The following ZFPM2 variants were observed in gnomAD, a reference collection of about 807,000 sequenced individuals.
ZFPM2 encodes the protein zinc finger protein ZFPM2.
A neutral mutation model predicts 98.6 loss-of-function variants in ZFPM2; 20 were observed. The ratio of observed to expected loss-of-function variants is 0.20; its 90% CI spans 0.14 to 0.29. The LOEUF (loss-of-function observed/expected upper bound fraction) is 0.29. Ranked by LOEUF, ZFPM2 falls within the 10% of genes least tolerant of loss-of-function variation. The pLI is 1.00. For missense variants in ZFPM2, 1,310 were observed against 1,388.6 expected (o/e 0.94, Z 0.90); for synonymous variants, 518 against 502.7 (o/e 1.03, Z -0.41).
At chr8:105,389,142 C>G (rs549354480) in intron 1 of ZFPM2, among the ~76,000 whole-genome samples, 3 of 151,098 alleles carry the variant, frequency 2.0e-5, no homozygotes, top group Admixed American at 1.3e-4. Flanking sequence ...AAGAAACAAG[C>G]AATGAGGGAA....
chr8:105,697,960 A>C (rs1811056943), intron 5 of ZFPM2, among the ~76,000 whole-genome samples: 1 of 152,168 alleles, frequency 6.6e-6, no homozygotes, highest in South Asian at 2.1e-4. Context: ...AAACAAGGAG[A>C]AGAAGGGTTA....
intron 5 of ZFPM2, among the ~76,000 whole-genome samples, chr8:105,757,245 G>C (rs1432971958): frequency 6.6e-6 from 1 of 152,056 alleles, no homozygotes; most frequent in Non-Finnish European, 1.5e-5. Flanking sequence ...ATTTATAGCA[G>C]CCCAATCACT....
At chr8:105,352,890 C>T (rs1254623307) in intron 1 of ZFPM2, among the ~76,000 whole-genome samples, 9 of 152,016 alleles carry the variant, frequency 5.9e-5, no homozygotes, top group Non-Finnish European at 1.0e-4. Context: ...CCTACCTATT[C>T]GTCTATACCA....
At chr8:105,705,758 G>C (rs1009362678) in intron 5 of ZFPM2, among the ~76,000 whole-genome samples, 1 of 152,066 alleles carries the variant, frequency 6.6e-6, no homozygotes, top group African/African-American at 2.4e-5. Flanking sequence ...TCTATTCTTG[G>C]GGCATAAGCT....
chr8:105,583,958 T>TG (rs1815657273), intron 4 of ZFPM2, among the ~76,000 whole-genome samples: 1 of 152,198 alleles, frequency 6.6e-6, no homozygotes, highest in South Asian at 2.1e-4. Context: ...ATGCCTAGAA[T>TG]GTTCGTGATA....
At chr8:105,697,172 C>G (rs929752268) in intron 5 of ZFPM2, among the ~76,000 whole-genome samples, 2 of 151,666 alleles carry the variant, frequency 1.3e-5, no homozygotes, top group Non-Finnish European at 2.9e-5. Context: ...CTTTATAGTT[C>G]CACTTCTGTC....
intron 1 of ZFPM2, among the ~76,000 whole-genome samples, chr8:105,326,270 C>A (rs1812113674): frequency 6.6e-6 from 1 of 151,622 alleles, no homozygotes; most frequent in Admixed American, 6.6e-5. Flanking sequence ...GCAGCTATTC[C>A]TCAGATATGC....
intron 3 of ZFPM2, among the ~76,000 whole-genome samples, chr8:105,471,462 T>A (rs1812901655): frequency 1.3e-5 from 2 of 152,216 alleles, no homozygotes; most frequent in South Asian, 4.1e-4. Flanking sequence ...GGTACCACTT[T>A]ATCACTTTAA....
intron 1 of ZFPM2, among the ~76,000 whole-genome samples, chr8:105,327,249 A>T (rs1377006837): frequency 6.6e-6 from 1 of 151,692 alleles, no homozygotes; most frequent in East Asian, 1.9e-4. Context: ...TAATCTCTAA[A>T]ATTCTTTTAT....
At chr8:105,575,586 G>T (rs1815449324) in intron 4 of ZFPM2, among the ~76,000 whole-genome samples, 1 of 152,142 alleles carries the variant, frequency 6.6e-6, no homozygotes, top group Non-Finnish European at 1.5e-5. Flanking sequence ...AAAATTCTGT[G>T]ACTGTCATAG....
At chr8:105,599,875 TA>T (rs200381339) in intron 4 of ZFPM2, among the ~76,000 whole-genome samples, 65 of 150,878 alleles carry the variant, frequency 4.3e-4, no homozygotes, top group African/African-American at 1.2e-3. Flanking sequence ...ATGTGCACTT[TA>T]AAAAAAAAAT....
intron 3 of ZFPM2, among the ~76,000 whole-genome samples, chr8:105,545,946 T>G (rs1165866969): frequency 6.6e-6 from 1 of 152,168 alleles, no homozygotes; most frequent in Non-Finnish European, 1.5e-5. Context: ...TATCTAGAAA[T>G]GGAATGGGTG....
At chr8:105,383,847 G>C (rs1810934147) in intron 1 of ZFPM2, among the ~76,000 whole-genome samples, 1 of 152,048 alleles carries the variant, frequency 6.6e-6, no homozygotes, top group Admixed American at 6.6e-5. Flanking sequence ...AAAAAACAAA[G>C]TATCACTATA....
chr8:105,765,487 A>T (rs2131080444), intron 5 of ZFPM2, among the ~76,000 whole-genome samples: 1 of 151,866 alleles, frequency 6.6e-6, no homozygotes, highest in East Asian at 1.9e-4. Flanking sequence ...TATTTAATAG[A>T]TTGTCCTTTG....
At chr8:105,793,177 G>A (rs2131150419) in intron 6 of ZFPM2, among the ~76,000 whole-genome samples, 1 of 152,162 alleles carries the variant, frequency 6.6e-6, no homozygotes, top group East Asian at 1.9e-4. Context: ...TTTCTTCCTA[G>A]TCTCGATGGT....
intron 1 of ZFPM2, among the ~76,000 whole-genome samples, chr8:105,353,267 C>A (rs1204679457): frequency 1.3e-5 from 2 of 152,280 alleles, no homozygotes; most frequent in Middle Eastern, 3.4e-3. Context: ...GTCTCCCTGG[C>A]ACTCAATTCA....
chr8:105,325,757 A>G (rs545878121), intron 1 of ZFPM2, among the ~76,000 whole-genome samples: 1 of 142,742 alleles, frequency 7.0e-6, no homozygotes, highest in South Asian at 2.2e-4. Flanking sequence ...AGAGGGTGTC[A>G]TACCGTTACT....
At chr8:105,653,055 C>T (rs1297978089) in intron 5 of ZFPM2, among the ~76,000 whole-genome samples, 4 of 152,112 alleles carry the variant, frequency 2.6e-5, no homozygotes, top group Non-Finnish European at 5.9e-5. Flanking sequence ...CTGTGAAAGA[C>T]ATTTAGGACA....
Position 105,607,456 on chromosome 8 carries a change from A to G in ZFPM2, c.421-26790A>G, listed in dbSNP as rs551697692. On this transcript the variant is annotated intron_variant, in intron 4 of 7. Transcript: ENST00000407775. ...CCTCTCACTTTCACTCTCACACACTAGTATCTTTCATCTCCCAATTAATGA... is the reference window on the plus strand; with the variant it reads ...CCTCTCACTTTCACTCTCACACACTGGTATCTTTCATCTCCCAATTAATGA... 3.9e-5 allele frequency among the ~76,000 whole-genome samples: 6 copies of G among 152,206 alleles called. No homozygotes were observed. In the East Asian group the frequency reaches 1.2e-3, roughly 29 times the overall value.
Sources: gnomAD v4.1 joint callset for allele counts (sites outside exome capture counted in the v4.1 genomes callset) on GRCh38, gnomAD v4.1.1 for gene constraint, MANE v1.5 for transcripts, NCBI Gene and HGNC (gene_info 2026-07-23, HGNC 2026-07-21) for gene names.